The following LTBP1 variants were observed in gnomAD, a reference collection of about 807,000 sequenced individuals.
LTBP1 encodes the protein latent transforming growth factor beta binding protein 1.
In LTBP1, 129 loss-of-function variants were observed where a neutral mutation model predicts 207.6. That is an observed-to-expected ratio of 0.62 (90% confidence interval 0.54 to 0.72). LTBP1 has a LOEUF of 0.72. Among genes scored for constraint, LTBP1 ranks in the 30% least tolerant of loss-of-function variants. The pLI is 0.00. For synonymous variants in LTBP1, 963 were observed against 833.7 expected (o/e 1.16, Z -2.67); for missense variants, 2,281 against 2,217.2 (o/e 1.03, Z -0.58).
chr2:33,129,111 C>T (rs2081608577), intron 4 of LTBP1, among the ~76,000 whole-genome samples: 1 of 152,050 alleles, frequency 6.6e-6, no homozygotes, highest in African/African-American at 2.4e-5. Flanking sequence ...GGTTCTGGAG[C>T]CAATGATGGG....
chr2:33,029,302 C>A (rs933257150), intron 3 of LTBP1, among the ~76,000 whole-genome samples: 16 of 152,030 alleles, frequency 1.1e-4, no homozygotes, highest in African/African-American at 3.9e-4. Flanking sequence ...CATGGTGAAA[C>A]CCCGTCTCTA....
chr2:33,067,443 C>T (rs2077569749), intron 3 of LTBP1, among the ~76,000 whole-genome samples: 1 of 152,166 alleles, frequency 6.6e-6, no homozygotes, highest in South Asian at 2.1e-4. Flanking sequence ...TCTCTGTTTG[C>T]ATACCAGTTG....
At position 33,033,909 on chromosome 2, in the gene LTBP1, A is replaced by G. The variant is rs142047927; in HGVS notation, c.863+12703A>G. On this transcript the variant is annotated intron_variant, in intron 3 of 33. Transcript: ENST00000404816. The stretch of plus-strand genomic sequence containing the variant: ...CAGAAGCCTTTAAAGTTGTATTTCA[A>G]AGCGCCTCAGGAGTTATCGATGTGA... Among the ~76,000 whole-genome samples, 50 of 152,300 alleles carry G rather than the reference A, an allele frequency of 3.3e-4. No individual in the cohort carries two copies. In the East Asian group the frequency reaches 8.3e-3, roughly 25 times the overall value.
chr2:32,954,704 C>T (rs461611), intron 2 of LTBP1, among the ~76,000 whole-genome samples: 89,365 of 151,534 alleles, frequency 0.59, 27,184 homozygotes, highest in Non-Finnish European at 0.66. Context: ...TGTAAGCCTG[C>T]AGATGCCTTG....
At chr2:33,225,519 G>A (rs2091383279) in intron 9 of LTBP1, among the ~76,000 whole-genome samples, 2 of 152,146 alleles carry the variant, frequency 1.3e-5, no homozygotes, top group Non-Finnish European at 2.9e-5. Context: ...AACTTGTGCA[G>A]GGGAACACCT....
chr2:33,069,217 C>T (rs1158994427), intron 3 of LTBP1, among the ~76,000 whole-genome samples: 1 of 152,156 alleles, frequency 6.6e-6, no homozygotes, highest in Non-Finnish European at 1.5e-5. Flanking sequence ...CCACTCAAAG[C>T]CAGACTTCCG....
chr2:32,983,476 G>A lies in LTBP1; in HGVS notation c.565+34531G>A, dbSNP rs560369781. ...GGGGACTGTTGGGAAGGCATGATTG[G>A]CTTTGAAACATGAGGACATGAGATT... On this transcript the variant is annotated intron_variant, in intron 2 of 33. Coordinates refer to ENST00000404816, the MANE Select transcript of LTBP1 (RefSeq NM_206943.4). Among the ~76,000 whole-genome samples, 33 of 152,264 alleles carry A rather than the reference G, an allele frequency of 2.2e-4. No individual in the cohort carries two copies. The South Asian group carries it at 6.9e-3, about 32-fold the overall frequency.
intron 3 of LTBP1, among the ~76,000 whole-genome samples, chr2:33,076,975 TG>T (rs2078118897): frequency 6.6e-6 from 1 of 152,140 alleles, no homozygotes; most frequent in Non-Finnish European, 1.5e-5. Flanking sequence ...TGACTGTAAG[TG>T]GTTAGGAAAG....
intron 9 of LTBP1, among the ~76,000 whole-genome samples, chr2:33,231,445 A>G (rs1200648157): frequency 1.3e-5 from 2 of 152,216 alleles, no homozygotes; most frequent in African/African-American, 4.8e-5. Context: ...CAGGGGGCAT[A>G]TCTGTTATTA....
chr2:33,318,142 C>T (rs2094299690), intron 24 of LTBP1, among the ~76,000 whole-genome samples: 1 of 152,046 alleles, frequency 6.6e-6, no homozygotes, highest in Non-Finnish European at 1.5e-5. Flanking sequence ...TACCACCACC[C>T]CCCAAAAAAA....
intron 15 of LTBP1, among the ~76,000 whole-genome samples, chr2:33,266,279 C>G (rs1047858085): frequency 6.6e-6 from 1 of 152,184 alleles, no homozygotes; most frequent in Admixed American, 6.5e-5. Flanking sequence ...ACATTGGGCA[C>G]CAATGAGCAT....
At chr2:33,018,787 C>T (rs1045108600) in intron 2 of LTBP1, among the ~76,000 whole-genome samples, 3 of 152,194 alleles carry the variant, frequency 2.0e-5, no homozygotes, top group Non-Finnish European at 4.4e-5. Flanking sequence ...CTGCTGCCCT[C>T]CTCATAACCC....
intron 2 of LTBP1, among the ~76,000 whole-genome samples, chr2:33,016,600 G>A (rs219185): frequency 6.6e-6 from 1 of 151,900 alleles, no homozygotes; most frequent in Admixed American, 6.5e-5. Flanking sequence ...GAGAACCACC[G>A]CCCAATCCAC....
intron 9 of LTBP1, among the ~76,000 whole-genome samples, chr2:33,232,016 A>T (rs1038015430): frequency 7.2e-5 from 11 of 152,170 alleles, no homozygotes; most frequent in African/African-American, 2.7e-4. Context: ...CAACTCTGAA[A>T]ATAAGGAAAA....
rs143588925 is a variant in LTBP1 at position 33,349,313 on chromosome 2, G to A, written c.4000+1803G>A. 2.8e-3 allele frequency among the ~76,000 whole-genome samples: 423 copies of A among 152,194 alleles called. 1 individual carries two copies. Among genetic ancestry groups the A allele is most frequent in the African/African-American group, 9.7e-3 (401 of 41,520 alleles). The stretch of plus-strand genomic sequence containing the variant: ...AAAAATAGAAAAATTAGCCGGGAGT[G>A]GAGGCATATGCTTGTAATCAGTAAG... On this transcript the variant is annotated intron_variant, in intron 26 of 33. Transcript: ENST00000404816.
chr2:33,011,013 CG>C (rs553052276), intron 2 of LTBP1, among the ~76,000 whole-genome samples: 44 of 152,232 alleles, frequency 2.9e-4, no homozygotes, highest in Non-Finnish European at 5.0e-4. Context: ...CCACCAGGCC[CG>C]GCCTAATCCA....
At chr2:33,004,405 A>T (rs1686474885) in intron 2 of LTBP1, among the ~76,000 whole-genome samples, 1 of 151,534 alleles carries the variant, frequency 6.6e-6, no homozygotes, top group South Asian at 2.1e-4. Flanking sequence ...GGGCATGGCG[A>T]TTTTTTTTTA....
chr2:33,303,876 G>T (rs1431335415), intron 22 of LTBP1, among the ~76,000 whole-genome samples: 1 of 152,172 alleles, frequency 6.6e-6, no homozygotes, highest in Non-Finnish European at 1.5e-5. Flanking sequence ...GAGGACCCCT[G>T]TGCTAGGGCA....
intron 7 of LTBP1, among the ~76,000 whole-genome samples, chr2:33,206,999 A>G (rs1462197233): frequency 2.6e-5 from 4 of 152,228 alleles, no homozygotes; most frequent in African/African-American, 4.8e-5. Context: ...TTATGATGTC[A>G]GAATATAATC....
Sources: gnomAD v4.1 joint callset for allele counts (sites outside exome capture counted in the v4.1 genomes callset) on GRCh38, gnomAD v4.1.1 for gene constraint, MANE v1.5 for transcripts, NCBI Gene and HGNC (gene_info 2026-07-23, HGNC 2026-07-21) for gene names.